NEK1: variants seen among roughly 807,000 people sequenced by gnomAD.
The protein encoded by NEK1 is serine/threonine-protein kinase Nek1.
Under a neutral mutation model 182.1 loss-of-function variants are expected in NEK1, and 137 were observed. That is an observed-to-expected ratio of 0.75 (90% confidence interval 0.65 to 0.87). The LOEUF (loss-of-function observed/expected upper bound fraction) is 0.87, where lower values mean the gene tolerates loss of function less well. Among genes scored for constraint, NEK1 ranks in the 40% least tolerant of loss-of-function variants. NEK1 has a pLI of 0.00. For synonymous variants in NEK1, 513 were observed against 492.2 expected, an observed-to-expected ratio of 1.04 and a Z score of -0.56; for missense variants, 1,391 against 1,494.4, an observed-to-expected ratio of 0.93 and a Z score of 1.14.
chr4:169,518,654 T>C (rs2149737301), intron 19 of NEK1, among the ~76,000 whole-genome samples: 1 of 102,760 alleles, frequency 9.7e-6, no homozygotes, highest in South Asian at 3.3e-4. Flanking sequence ...GTGCTATAAA[T>C]TTCCCTCTAC....
At chr4:169,560,491 T>C (rs1010987458) in intron 16 of NEK1, among the ~76,000 whole-genome samples, 1 of 152,128 alleles carries the variant, frequency 6.6e-6, no homozygotes, top group Admixed American at 6.5e-5. Context: ...GGAGAGACCA[T>C]CCCATCACCA....
intron 2 of NEK1, among the ~76,000 whole-genome samples, chr4:169,603,823 A>G (rs1213181827): frequency 6.6e-6 from 1 of 150,754 alleles, no homozygotes; most frequent in Non-Finnish European, 1.5e-5. Context: ...CCCCTGCCTC[A>G]GCCTCCCAAG....
chr4:169,442,232 T>A (rs1431799939), intron 27 of NEK1, among the ~76,000 whole-genome samples: 1 of 152,184 alleles, frequency 6.6e-6, no homozygotes, highest in South Asian at 2.1e-4. Flanking sequence ...GACTGGGGCC[T>A]GAGGACTGGC....
In NEK1 at chr4:169,415,273, C is replaced by T. The variant is rs760157072; in HGVS notation, c.3223-8526G>A. On this transcript the variant is annotated intron_variant, in intron 31 of 35. Coordinates refer to ENST00000507142, the MANE Select transcript of NEK1 (RefSeq NM_001199397.3). Reference sequence around the variant, plus strand: ...TGTGATACCTCATTTTAGTAAGTCACTTTATAGCTACCTTATAAAATCATC... The same window carrying T: ...TGTGATACCTCATTTTAGTAAGTCATTTTATAGCTACCTTATAAAATCATC... 9.1e-4 allele frequency among the ~76,000 whole-genome samples: 138 copies of T among 152,322 alleles called. 1 individual carries two copies. Among genetic ancestry groups the T allele is most frequent in the Non-Finnish European group, 1.9e-3 (126 of 68,022 alleles).
At chr4:169,524,598 T>A (rs1481910780) in intron 19 of NEK1, among the ~76,000 whole-genome samples, 3 of 152,196 alleles carry the variant, frequency 2.0e-5, no homozygotes, top group Non-Finnish European at 2.9e-5. Context: ...AAGAGTATTT[T>A]AAGAAATCTA....
chr4:169,559,184 T>C (rs1762554560), intron 16 of NEK1, among the ~76,000 whole-genome samples: 1 of 152,206 alleles, frequency 6.6e-6, no homozygotes, highest in Admixed American at 6.5e-5. Flanking sequence ...ATTAATACTG[T>C]ATTAGACATC....
chr4:169,447,194 G>C (rs1740736967), intron 27 of NEK1, among the ~76,000 whole-genome samples: 1 of 152,196 alleles, frequency 6.6e-6, no homozygotes, highest in African/African-American at 2.4e-5. Flanking sequence ...AGCAGCAGCA[G>C]ACTTTGTGTC....
intron 27 of NEK1, among the ~76,000 whole-genome samples, chr4:169,457,709 A>C: frequency 9.5e-6 from 1 of 105,226 alleles, no homozygotes; most frequent in South Asian, 3.8e-4. Flanking sequence ...GGAGGGGAGA[A>C]GGAGGGGAGA....
chr4:169,405,852 C>G (rs1732500889), intron 32 of NEK1, among the ~76,000 whole-genome samples: 2 of 152,094 alleles, frequency 1.3e-5, no homozygotes, highest in East Asian at 1.9e-4. Context: ...GCCCGTAATC[C>G]TAGCACTTTG....
Position 169,508,350 on chromosome 4 carries a change from C to T in NEK1, c.1750-19G>A. On this transcript the variant is annotated intron_variant, in intron 20 of 35. Coordinates refer to ENST00000507142, the MANE Select transcript of NEK1 (RefSeq NM_001199397.3). Reference sequence around the variant, plus strand: ...GATAAACCTACAAGGAGGCAAAAACCCCAACATAATAATGTAAAAGCAAAG... The same window carrying T: ...GATAAACCTACAAGGAGGCAAAAACTCCAACATAATAATGTAAAAGCAAAG... 4.6e-6 allele frequency: 7 copies of T among 1,534,912 alleles called. No homozygotes were observed. The highest frequency in any genetic ancestry group is 6.1e-6 in the Non-Finnish European group (7 of 1,140,422).
chr4:169,515,363 T>C (rs184265305), intron 19 of NEK1, among the ~76,000 whole-genome samples: 1 of 152,198 alleles, frequency 6.6e-6, no homozygotes, highest in African/African-American at 2.4e-5. Context: ...GTTCTATCAA[T>C]TGCTGAGAGC....
intron 29 of NEK1, among the ~76,000 whole-genome samples, chr4:169,427,316 C>A (rs537917438): frequency 1.3e-5 from 2 of 152,062 alleles, no homozygotes; most frequent in Non-Finnish European, 2.9e-5. Flanking sequence ...TTAGTAGAGA[C>A]AGAGTTTCAT....
intron 35 of NEK1, among the ~76,000 whole-genome samples, chr4:169,397,040 G>A (rs1241334752): frequency 2.6e-5 from 4 of 152,118 alleles, no homozygotes; most frequent in Admixed American, 6.5e-5. Flanking sequence ...AGATCAACAT[G>A]GCGAAATGCC....
At chr4:169,508,101 C>A in intron 21 of NEK1, 147 bp downstream of exon 21, 1 of 699,906 alleles carries the variant, frequency 1.4e-6, no homozygotes, top group Non-Finnish European at 2.3e-6. Flanking sequence ...ATAAGATTTA[C>A]TTTATGTGTA....
intron 31 of NEK1, among the ~76,000 whole-genome samples, chr4:169,411,011 G>A (rs1328953244): frequency 1.3e-5 from 2 of 152,194 alleles, no homozygotes; most frequent in Non-Finnish European, 2.9e-5. Context: ...TGCGTATCCT[G>A]TTTCCCTTCT....
intron 2 of NEK1, among the ~76,000 whole-genome samples, chr4:169,607,804 T>C (rs547950453): frequency 6.6e-6 from 1 of 152,084 alleles, no homozygotes; most frequent in African/African-American, 2.4e-5. Flanking sequence ...AAAACTACAA[T>C]ATAAAATATC....
rs200710438 is a variant in NEK1 at position 169,401,668 on chromosome 4, G to T, written c.3567C>A (p.Asn1189Lys). 55 of 1,613,508 alleles carry T rather than the reference G, an allele frequency of 3.4e-5. No individual in the cohort carries two copies. The highest frequency in any genetic ancestry group is 4.5e-5 in the Non-Finnish European group (53 of 1,179,636). ...DDNPSSESAL[N>K]EEWHSDNSDG... The stretch of plus-strand genomic sequence containing the variant: ...ATCATGCACCTGAGTGCCATTCTTC[G>T]TTCAGGGCACTTTCACTGCTGGGAT... Residue 1189 changes from asparagine (N) to lysine (K), a missense_variant, in exon 33 of 36, where the codon AAC becomes AAA. Asn to Lys is a moderately conservative substitution (Grantham distance 94, BLOSUM62 0). Coordinates refer to ENST00000507142, the MANE Select transcript of NEK1 (RefSeq NM_001199397.3).
Position 169,602,123 on chromosome 4 carries a change from G to A in NEK1, c.118-19C>T. 1.3e-6 allele frequency: 2 copies of A among 1,546,678 alleles called. No homozygotes were observed. The highest frequency in any genetic ancestry group is 1.8e-6 in the Non-Finnish European group (2 of 1,119,538). On this transcript the variant is annotated intron_variant, in intron 3 of 35. Coordinates refer to ENST00000507142, the MANE Select transcript of NEK1 (RefSeq NM_001199397.3). ...TGGACATCTTAAATGGGAGGAAAAA[G>A]AAAATAGTAAATGAAACCATTAATA...
chr4:169,393,240 A>G lies in NEK1; in HGVS notation c.*1270T>C, dbSNP rs1186393537. The G allele has an allele frequency of 6.6e-6, 1 of 152,200 alleles. No homozygotes were observed. The highest frequency in any genetic ancestry group is 1.9e-4 in the East Asian group (1 of 5,206). 9.4% of individuals were successfully genotyped at this position (152,200 alleles called of 1,614,324 possible). ...GATGTAAAAGCCTTCTATTGAGAAAAGTAAAATAATAAATAAAAGACAATT... is the reference window on the plus strand; with the variant it reads ...GATGTAAAAGCCTTCTATTGAGAAAGGTAAAATAATAAATAAAAGACAATT... On this transcript the variant is annotated 3_prime_UTR_variant, in exon 36 of 36. Transcript: ENST00000507142.
Sources: gnomAD v4.1 joint callset for allele counts (sites outside exome capture counted in the v4.1 genomes callset) on GRCh38, gnomAD v4.1.1 for gene constraint, MANE v1.5 for transcripts, NCBI Gene and HGNC (gene_info 2026-07-23, HGNC 2026-07-21) for gene names.